Variants in ATR observed in about 807,000 individuals in gnomAD.
ATR encodes the protein serine/threonine-protein kinase ATR.
ATR carries 142 observed loss-of-function variants against 305.3 expected under a neutral mutation model. The observed-to-expected ratio is 0.47, with a 90% CI of 0.41 to 0.53. ATR has a LOEUF of 0.53. Among genes scored for constraint, ATR ranks in the 20% least tolerant of loss-of-function variants. The pLI is 0.00. For missense variants in ATR, 2,135 were observed against 3,133.1 expected, an observed-to-expected ratio of 0.68 and a Z score of 7.60; for synonymous variants, 1,050 against 1,068.1, an observed-to-expected ratio of 0.98 and a Z score of 0.33.
At chr3:142,541,377 C>A (rs1040653044) in intron 17 of ATR, among the ~76,000 whole-genome samples, 2 of 152,056 alleles carry the variant, frequency 1.3e-5, no homozygotes, top group African/African-American at 4.8e-5. Flanking sequence ...AACTGCCATA[C>A]ACATATATAA....
chr3:142,496,848 T>C (rs1466136317), intron 33 of ATR, among the ~76,000 whole-genome samples, 165 bp downstream of exon 33: 1 of 152,176 alleles, frequency 6.6e-6, no homozygotes, highest in Admixed American at 6.5e-5. Flanking sequence ...CTAAAAGTGA[T>C]TCTTAAGTTC....
intron 36 of ATR, among the ~76,000 whole-genome samples, chr3:142,476,071 T>C (rs1482480069): frequency 6.6e-6 from 1 of 152,238 alleles, no homozygotes; most frequent in Non-Finnish European, 1.5e-5. Flanking sequence ...GGTAGTTTCT[T>C]TTGCTGTGCA....
intron 34 of ATR, among the ~76,000 whole-genome samples, chr3:142,496,132 T>C (rs2031575901): frequency 6.6e-6 from 1 of 151,210 alleles, no homozygotes. Context: ...AATGGGAAGG[T>C]ATCTGGGGAC....
At position 142,565,319 on chromosome 3, in the gene ATR, G is replaced by A. The variant is rs937685299; in HGVS notation, c.292+802C>T. Among the ~76,000 whole-genome samples the A allele has an allele frequency of 7.2e-5, 11 of 152,130 alleles. No individual in the cohort carries two copies. In the East Asian group the frequency reaches 1.4e-3, roughly 19 times the overall value. Reference sequence around the variant, plus strand: ...TCTTGGAGGACATGCTATCAAAGTTGAGTTAAAGTTTGAACAAAAAATTTT... The same window carrying A: ...TCTTGGAGGACATGCTATCAAAGTTAAGTTAAAGTTTGAACAAAAAATTTT... On this transcript the variant is annotated intron_variant, in intron 3 of 46. Transcript: ENST00000350721.
At chr3:142,524,279 A>G in intron 21 of ATR, 80 bp from the exon 22 acceptor site, 2 of 1,283,516 alleles carry the variant, frequency 1.6e-6, no homozygotes, top group Non-Finnish European at 2.2e-6. Context: ...GCTTAAAAAT[A>G]TTAAGGAATA....
In ATR at chr3:142,553,927, T is replaced by G; in HGVS notation, c.2430A>C (p.Leu810Phe). The G allele has an allele frequency of 6.2e-7, 1 of 1,612,198 alleles. No individual in the cohort carries two copies. Among genetic ancestry groups the G allele is most frequent in the Non-Finnish European group, 8.5e-7 (1 of 1,178,838 alleles). Residue 810 changes from leucine to phenylalanine, a missense_variant, in exon 11 of 47, where the codon TTA becomes TTC. Physicochemically the swap from Leu to Phe is conservative, Grantham distance 22. Transcript: ENST00000350721. ...TDVKAVLGTL[L>F]NLMEDPDKDV... is the part of the protein sequence containing the mutation. ...CTTTGTCTGGATCTTCCATTAAATT[T>G]AATAAAGTTCCAAGAACTGCTTTTA...
intron 21 of ATR, among the ~76,000 whole-genome samples, chr3:142,532,396 C>T (rs1478293044): frequency 2.0e-5 from 3 of 152,132 alleles, no homozygotes; most frequent in Non-Finnish European, 2.9e-5. Context: ...TGACTAGTAT[C>T]AATCTTCAGA....
At position 142,465,173 on chromosome 3, in the gene ATR, T is replaced by C. The variant is rs2071099394; in HGVS notation, c.6965A>G (p.Tyr2322Cys). 1.2e-6 allele frequency: 2 copies of C among 1,609,188 alleles called. No individual in the cohort carries two copies. Among genetic ancestry groups the C allele is most frequent in the Admixed American group, 1.7e-5 (1 of 59,936 alleles). The stretch of plus-strand genomic sequence containing the variant: ...ATCTTTTGGCTTACACATCATGATG[T>C]AGAACTTTCCATCTGAGCCTTTTAA... ...ISLKGSDGKF[Y>C]IMMCKPKDDL... The change falls in exon 41 of 47, where the codon TAC becomes TGC. Residue 2322 changes from tyrosine to cysteine, a missense_variant. Around this residue, in one of 9 missense-constraint regions of ATR, gnomAD observed 462 missense variants for 887.6 expected, o/e 0.52. Coordinates refer to ENST00000350721, the MANE Select transcript of ATR (RefSeq NM_001184.4).
chr3:142,541,176 C>T (rs2034037617), intron 17 of ATR, 142 bp from the exon 18 acceptor site: 3 of 1,141,842 alleles, frequency 2.6e-6, no homozygotes, highest in Non-Finnish European at 2.6e-6. Context: ...AAATGTTGGC[C>T]AGTTTGTTTT....
chr3:142,547,681 G>C (rs1228649517), intron 16 of ATR, 44 bp downstream of exon 16: 12 of 1,580,662 alleles, frequency 7.6e-6, no homozygotes, highest in Non-Finnish European at 1.0e-5. Context: ...AGCTGCAAAA[G>C]GAAGAAAAAC....
In ATR at chr3:142,542,751, A is replaced by T. The variant is rs1208889130; in HGVS notation, c.3364T>A (p.Tyr1122Asn). The T allele has an allele frequency of 2.5e-6, 4 of 1,609,884 alleles. No homozygotes were observed. In the Admixed American group the frequency reaches 5.0e-5, roughly 20 times the overall value. ...ATGCCCAACAATTTGGGTTGTAAAT[A>T]ATCAGCCTAAGAAATAAAAACAGAT... ...DIISPELMAD[Y>N]LQPKLLGILA... Residue 1122 changes from tyrosine (Y) to asparagine (N), a missense_variant, in exon 17 of 47, where the codon TAT (tyrosine) becomes AAT (asparagine). By Grantham distance (143) the Tyr-to-Asn change is moderately radical. This residue lies in a region of ATR where 530 missense variants were observed against 766.8 expected (regional missense o/e 0.69). Coordinates refer to ENST00000350721, the MANE Select transcript of ATR (RefSeq NM_001184.4).
chr3:142,562,758 C>G lies in ATR; in HGVS notation c.644G>C (p.Arg215Pro). 2 of 1,611,912 alleles carry G rather than the reference C, an allele frequency of 1.2e-6. No homozygotes were observed. Among genetic ancestry groups the G allele is most frequent in the South Asian group, 2.2e-5 (2 of 90,422 alleles). Residue 215 changes from arginine (R) to proline (P), a missense_variant, in exon 4 of 47, where the codon CGT becomes CCT. Around this residue, in one of 9 missense-constraint regions of ATR, gnomAD observed 744 missense variants for 873.2 expected, o/e 0.85. Coordinates refer to ENST00000350721, the MANE Select transcript of ATR (RefSeq NM_001184.4). ...IEVTLLMVLT[R>P]IIAIVFFRRQ... ...TCTAAAAAACACAATTGCAATAATA[C>G]GAGTAAGAACCATTAATAAAGTGAC... is the stretch of plus-strand genomic sequence containing the variant.
intron 36 of ATR, among the ~76,000 whole-genome samples, chr3:142,480,077 T>A (rs894082636): frequency 6.6e-6 from 1 of 152,238 alleles, no homozygotes; most frequent in African/African-American, 2.4e-5. Flanking sequence ...GAAGCCTTCT[T>A]CTCTCAACTC....
At chr3:142,453,532 A>T (rs987358997) in intron 45 of ATR, among the ~76,000 whole-genome samples, 2 of 152,134 alleles carry the variant, frequency 1.3e-5, no homozygotes, top group African/African-American at 4.8e-5. Flanking sequence ...TATATTTTGA[A>T]TGAAGGAATT....
At chr3:142,533,442 C>T (rs2033738632) in intron 21 of ATR, among the ~76,000 whole-genome samples, 1 of 152,198 alleles carries the variant, frequency 6.6e-6, no homozygotes, top group South Asian at 2.1e-4. Flanking sequence ...TTTTCATCCT[C>T]ACAGAAAGGT....
intron 46 of ATR, chr3:142,451,405 A>T: frequency 6.8e-7 from 1 of 1,471,396 alleles, no homozygotes; most frequent in Middle Eastern, 2.3e-4. Context: ...AGAGATCTGA[A>T]GCCTAGAAAT....
Position 142,556,375 on chromosome 3 carries a change from G to A in ATR, c.2078+8C>T. The stretch of plus-strand genomic sequence containing the variant: ...GTGATATATTCAAATTAAAATCTTA[G>A]TACATACATAAGAATCTTGGGAACT... On this transcript the variant is annotated splice_region_variant and intron_variant, in intron 9 of 46. Transcript: ENST00000350721. The A allele has an allele frequency of 1.2e-6, 2 of 1,607,358 alleles. No homozygotes were observed. Among genetic ancestry groups the A allele is most frequent in the Non-Finnish European group, 1.7e-6 (2 of 1,173,894 alleles).
intron 37 of ATR, 53 bp downstream of exon 37, chr3:142,470,033 A>C: frequency 7.0e-7 from 1 of 1,420,560 alleles, no homozygotes; most frequent in Non-Finnish European, 9.8e-7. Context: ...ATCTGACTTT[A>C]TACCAAAGTT....
At chr3:142,470,860 G>GT (rs2071246430) in intron 36 of ATR, among the ~76,000 whole-genome samples, 1 of 152,010 alleles carries the variant, frequency 6.6e-6, no homozygotes, top group Non-Finnish European at 1.5e-5. Context: ...AAAAGTTAAA[G>GT]TTCTCTCCTT....
Sources: gnomAD v4.1 joint callset for allele counts (sites outside exome capture counted in the v4.1 genomes callset) on GRCh38, gnomAD v4.1.1 for gene constraint, gnomAD v4.1.1 regional missense constraint, MANE v1.5 for transcripts, NCBI Gene and HGNC (gene_info 2026-07-23, HGNC 2026-07-21) for gene names.